CSMD1: variants seen among roughly 807,000 people sequenced by gnomAD.
CSMD1 encodes CUB and Sushi multiple domains 1.
In CSMD1, 213 loss-of-function variants were observed where a neutral mutation model predicts 417.5. That is an observed-to-expected ratio of 0.51 (90% CI 0.46 to 0.57). CSMD1 has a LOEUF of 0.57. Among genes scored for constraint, CSMD1 ranks in the 20% least tolerant of loss-of-function variants. The pLI is 0.00. For missense variants in CSMD1, 6,923 were observed against 4,529.7 expected (o/e 1.53, Z -15.17); for synonymous variants, 2,862 against 1,736.8 (o/e 1.65, Z -16.11).
chr8:3,196,014 G>A (rs2129052709), intron 33 of CSMD1, among the ~76,000 whole-genome samples: 1 of 152,224 alleles, frequency 6.6e-6, no homozygotes, highest in South Asian at 2.1e-4. Flanking sequence ...CACAGGATGA[G>A]GTAGGAGGTC....
intron 18 of CSMD1, among the ~76,000 whole-genome samples, chr8:3,374,406 A>G (rs1302293926): frequency 6.6e-6 from 1 of 152,210 alleles, no homozygotes. Context: ...AATGAATAAG[A>G]CAGAAAAGTC....
intron 10 of CSMD1, among the ~76,000 whole-genome samples, chr8:3,530,039 T>C (rs538009044): frequency 2.6e-5 from 4 of 152,310 alleles, no homozygotes; most frequent in East Asian, 3.9e-4. Flanking sequence ...GAGCCGTGAG[T>C]ATACATGCTA....
intron 1 of CSMD1, among the ~76,000 whole-genome samples, chr8:4,877,643 C>A (rs1046625783): frequency 6.6e-6 from 1 of 152,036 alleles, no homozygotes; most frequent in Non-Finnish European, 1.5e-5. Context: ...CCAAGTCCTG[C>A]CAAATATAGC....
At chr8:4,185,169 G>A (rs370660734) in intron 3 of CSMD1, among the ~76,000 whole-genome samples, 27 of 139,986 alleles carry the variant, frequency 1.9e-4, no homozygotes, top group African/African-American at 5.0e-4. Flanking sequence ...AAAAGCAAAC[G>A]AAGAAAAAAC....
chr8:3,933,918 G>T (rs1457772972), intron 5 of CSMD1, among the ~76,000 whole-genome samples: 2 of 151,968 alleles, frequency 1.3e-5, no homozygotes, highest in African/African-American at 2.4e-5. Context: ...AAATATGGGT[G>T]AAAAATGCGA....
At chr8:4,012,321 G>C (rs375287982) in intron 4 of CSMD1, among the ~76,000 whole-genome samples, 94 of 152,004 alleles carry the variant, frequency 6.2e-4, no homozygotes, top group South Asian at 2.1e-3. Flanking sequence ...TCCTTGGTAG[G>C]GTGTCCAAGA....
intron 49 of CSMD1, among the ~76,000 whole-genome samples, chr8:3,083,170 T>C (rs1814234244): frequency 6.6e-6 from 1 of 152,140 alleles, no homozygotes; most frequent in South Asian, 2.1e-4. Flanking sequence ...GATTCTTCCT[T>C]ATATATTAAC....
At position 3,349,445 on chromosome 8, in the gene CSMD1, AAGTC is replaced by A. The variant is rs998257960; in HGVS notation, c.3305-1288_3305-1285del. Among the ~76,000 whole-genome samples the A allele has an allele frequency of 2.4e-4, 37 of 152,128 alleles. 1 individual carries two copies. Among genetic ancestry groups the A allele is most frequent in the African/African-American group, 8.2e-4 (34 of 41,504 alleles). On this transcript the variant is annotated intron_variant, in intron 21 of 69. Coordinates refer to ENST00000635120, the MANE Select transcript of CSMD1 (RefSeq NM_033225.6). ...CTCCATGTGGAAGGGTGTGAGGAGA[AAGTC>A]AGAGAGGAGAACGCTTGACATCCTG...
At chr8:4,640,039 G>C (rs1406301859) in intron 1 of CSMD1, among the ~76,000 whole-genome samples, 1 of 152,104 alleles carries the variant, frequency 6.6e-6, no homozygotes, top group Non-Finnish European at 1.5e-5. Flanking sequence ...TTGGAAAAAA[G>C]AAAAATCAGT....
chr8:4,777,383 A>AAG (rs1429627341), intron 1 of CSMD1, among the ~76,000 whole-genome samples: 3 of 152,132 alleles, frequency 2.0e-5, no homozygotes, highest in Non-Finnish European at 2.9e-5. Context: ...GGGGATGATG[A>AAG]AGAGAGAGAG....
At chr8:4,108,740 T>C (rs1252957785) in intron 3 of CSMD1, among the ~76,000 whole-genome samples, 1 of 151,594 alleles carries the variant, frequency 6.6e-6, no homozygotes, top group African/African-American at 2.4e-5. Flanking sequence ...CCGACTTTTG[T>C]TACATTTAGT....
chr8:4,210,728 T>C (rs189144674), intron 3 of CSMD1, among the ~76,000 whole-genome samples: 84 of 152,304 alleles, frequency 5.5e-4, no homozygotes, highest in Admixed American at 1.7e-3. Context: ...ACACTAAAAA[T>C]CACAAAATCT....
In CSMD1 at chr8:3,440,858, T is replaced by A. The variant is rs186377513; in HGVS notation, c.1561+27854A>T. The stretch of plus-strand genomic sequence containing the variant: ...TTCCTCCTGCCTTGCTGAGACGTTG[T>A]CATGAACAGACGTTACAGCAGGCTT... On this transcript the variant is annotated intron_variant, in intron 12 of 69. Transcript: ENST00000635120. Among the ~76,000 whole-genome samples the A allele has an allele frequency of 7.4e-4, 113 of 152,320 alleles. 1 individual carries two copies. In the East Asian group the frequency reaches 0.016, roughly 22 times the overall value.
chr8:4,920,077 A>G (rs1333018899), intron 1 of CSMD1, among the ~76,000 whole-genome samples: 5 of 152,184 alleles, frequency 3.3e-5, no homozygotes, highest in Non-Finnish European at 7.3e-5. Flanking sequence ...AAATAAAATG[A>G]AAAGACAAAT....
In CSMD1 at chr8:3,635,721, G is replaced by C. The variant is rs370578257; in HGVS notation, c.1010-18924C>G. On this transcript the variant is annotated intron_variant, in intron 7 of 69. Coordinates refer to ENST00000635120, the MANE Select transcript of CSMD1 (RefSeq NM_033225.6). ...GATGGTCTCAATCTCCTGACCTCGT[G>C]ATCTGCCCGCCTCGGCCTCCCGAAG... Among the ~76,000 whole-genome samples, 5 of 144,136 alleles carry C rather than the reference G, an allele frequency of 3.5e-5. No homozygotes were observed. The East Asian group carries it at 8.4e-4, about 24-fold the overall frequency. 94.6% of individuals were successfully genotyped at this position (144,136 alleles called of 152,430 possible).
intron 50 of CSMD1, among the ~76,000 whole-genome samples, chr8:3,041,975 C>G (rs1029991099): frequency 3.3e-5 from 5 of 152,192 alleles, no homozygotes; most frequent in Admixed American, 2.0e-4. Context: ...CACCCTTCAT[C>G]TCTGGGAAAC....
In CSMD1 at chr8:4,201,233, A is replaced by G. The variant is rs1169004956; in HGVS notation, c.416-169134T>C. On this transcript the variant is annotated intron_variant, in intron 3 of 69. Coordinates refer to ENST00000635120, the MANE Select transcript of CSMD1 (RefSeq NM_033225.6). ...TGGCACAAAGAAAATACTGGTGAGT[A>G]TGGTTGTAAGTAAAAAAATTCAGGG... Among the ~76,000 whole-genome samples, 9 of 152,166 alleles carry G rather than the reference A, an allele frequency of 5.9e-5. No individual in the cohort carries two copies. The East Asian group carries it at 7.7e-4, about 13-fold the overall frequency.
chr8:3,819,422 A>T (rs191114643), intron 5 of CSMD1, among the ~76,000 whole-genome samples: 1 of 152,174 alleles, frequency 6.6e-6, no homozygotes, highest in East Asian at 1.9e-4. Context: ...TTTATCAACA[A>T]GGTAAAGAAA....
At chr8:4,949,000 T>G (rs576745846) in intron 1 of CSMD1, among the ~76,000 whole-genome samples, 4 of 152,290 alleles carry the variant, frequency 2.6e-5, no homozygotes, top group African/African-American at 9.6e-5. Flanking sequence ...AGCCTCCTTC[T>G]GTTCTTTGTT....
Sources: gnomAD v4.1 joint callset for allele counts (sites outside exome capture counted in the v4.1 genomes callset) on GRCh38, gnomAD v4.1.1 for gene constraint, MANE v1.5 for transcripts, NCBI Gene and HGNC (gene_info 2026-07-23, HGNC 2026-07-21) for gene names.